The following PRCP variants were observed in gnomAD, a reference collection of about 807,000 sequenced individuals.
PRCP encodes the protein prolylcarboxypeptidase.
Under a neutral mutation model 54.2 loss-of-function variants are expected in PRCP, and 46 were observed. That is an observed-to-expected ratio of 0.85 (90% CI 0.67 to 1.09). The LOEUF is 1.09. Among genes scored for constraint, PRCP ranks in the 50% least tolerant of loss-of-function variants. PRCP has a pLI of 0.00. For missense variants in PRCP, 613 were observed against 596.8 expected (o/e 1.03, Z -0.28); for synonymous variants, 240 against 212.2 (o/e 1.13, Z -1.14).
At chr11:82,866,262 C>T (rs1859332575) in intron 1 of PRCP, among the ~76,000 whole-genome samples, 1 of 152,198 alleles carries the variant, frequency 6.6e-6, no homozygotes. Context: ...ACAAGTCCCT[C>T]CAAGAGGAAG....
rs748160992 is a variant in PRCP at position 82,839,401 on chromosome 11, G to C, written c.946C>G (p.Pro316Ala). 2 of 1,612,778 alleles carry C rather than the reference G, an allele frequency of 1.2e-6. No individual in the cohort carries two copies. The highest frequency in any genetic ancestry group is 2.2e-5 in the South Asian group (2 of 90,920). ...AGCAGCAGTGAATCAGATACATTGG[G>C]ATTTTTCAAATACTGGCACACTACC... Reference protein sequence around the residue: ...IKVVCQYLKNPNVSDSLLLQN... With the variant: ...IKVVCQYLKNANVSDSLLLQN... The change falls in exon 7 of 9, where the codon CCC (proline) becomes GCC (alanine). Residue 316 changes from proline to alanine, a missense_variant. Coordinates refer to ENST00000313010, the MANE Select transcript of PRCP (RefSeq NM_005040.4).
At position 82,838,432 on chromosome 11, in the gene PRCP, A is replaced by C; in HGVS notation, c.1229T>G (p.Met410Arg). The change falls in exon 8 of 9, where the codon ATG becomes AGG. Residue 410 changes from methionine to arginine, a missense_variant. Met to Arg is a moderately conservative substitution (Grantham distance 91, BLOSUM62 -1). Transcript: ENST00000313010. ...VRPRPSWITT[M>R]YGGKNISSHT... is the part of the protein sequence containing the mutation. The stretch of plus-strand genomic sequence containing the variant: ...TGAACTAATGTTTTTGCCTCCATAC[A>C]TAGTAGTGATCCAGGAGGGCCTTGG... 1 of 1,614,024 alleles carries C rather than the reference A, an allele frequency of 6.2e-7. No homozygotes were observed. Among genetic ancestry groups the C allele is most frequent in the Non-Finnish European group, 8.5e-7 (1 of 1,179,918 alleles).
At chr11:82,901,316 GCTCCA>G, upstream of PRCP, 1 of 202,852 alleles carries the variant, frequency 4.9e-6, no homozygotes, top group South Asian at 6.5e-5. Flanking sequence ...CCCACTCCGC[GCTCCA>G]CCCCCCTCCT....
chr11:82,890,909 A>T (rs1459264581), intron 1 of PRCP, among the ~76,000 whole-genome samples: 1 of 152,152 alleles, frequency 6.6e-6, no homozygotes, highest in Admixed American at 6.5e-5. Context: ...CAGTCTCCTT[A>T]ACTGGTTCCC....
intron 6 of PRCP, among the ~76,000 whole-genome samples, chr11:82,848,759 T>C (rs545795483): frequency 5.3e-5 from 8 of 152,334 alleles, no homozygotes; most frequent in African/African-American, 1.9e-4. Context: ...TGGCACATAG[T>C]AATTATTCCA....
At chr11:82,873,123 G>A (rs1591063664) in intron 1 of PRCP, among the ~76,000 whole-genome samples, 1 of 151,132 alleles carries the variant, frequency 6.6e-6, no homozygotes, top group African/African-American at 2.4e-5. Context: ...GCTATTGAAA[G>A]GTTCACATGG....
At position 82,849,101 on chromosome 11, in the gene PRCP, T is replaced by C. The variant is rs1344115844; in HGVS notation, c.869A>G (p.Asp290Gly). ...SETWVNLAMV[D>G]YPYASNFLQP... is the part of the protein sequence containing the mutation. ...TAAAAAGTTAGAGGCATAAGGATAG[T>C]CCACCATTGCCAGATTCACCCAGGT... The change falls in exon 6 of 9, where the codon GAC (aspartate) becomes GGC (glycine). Residue 290 changes from aspartate (D) to glycine (G), a missense_variant. By Grantham distance (94) the Asp-to-Gly change is moderately conservative. Transcript: ENST00000313010. 4 of 1,614,016 alleles carry C rather than the reference T, an allele frequency of 2.5e-6. No homozygotes were observed. In the African/African-American group the frequency reaches 4.0e-5, roughly 16 times the overall value.
intron 1 of PRCP, among the ~76,000 whole-genome samples, chr11:82,874,690 CAAAAAAAAAAAAA>C (rs36084037): frequency 4.4e-5 from 3 of 68,834 alleles, no homozygotes; most frequent in African/African-American, 1.3e-4. Context: ...GACCCTGTCT[CAAAAAAAAAAAAA>C]AAAAAAGAAA....
intron 6 of PRCP, among the ~76,000 whole-genome samples, chr11:82,848,827 T>A (rs1858873594): frequency 6.6e-6 from 1 of 152,194 alleles, no homozygotes. Flanking sequence ...CAATGAATTC[T>A]ATCTCCATTT....
chr11:82,831,764 A>C (rs1034747925), intron 8 of PRCP, among the ~76,000 whole-genome samples: 15 of 152,058 alleles, frequency 9.9e-5, no homozygotes, highest in African/African-American at 3.6e-4. Flanking sequence ...ATACATGTGC[A>C]GAATGTGCAA....
intron 3 of PRCP, among the ~76,000 whole-genome samples, chr11:82,851,480 G>A (rs11233345): frequency 0.26 from 38,349 of 147,678 alleles, 5,548 homozygotes; most frequent in African/African-American, 0.41. Context: ...GTTTTATCTC[G>A]TATGTGAGTA....
At chr11:82,873,997 A>C (rs1859539203) in intron 1 of PRCP, among the ~76,000 whole-genome samples, 1 of 152,332 alleles carries the variant, frequency 6.6e-6, no homozygotes. Context: ...TTTTATCATT[A>C]TCTTAAAGAT....
At chr11:82,854,355 C>T (rs1318033975) in intron 2 of PRCP, among the ~76,000 whole-genome samples, 3 of 151,974 alleles carry the variant, frequency 2.0e-5, no homozygotes, top group Non-Finnish European at 2.9e-5. Context: ...GTCTATATAC[C>T]AATAACAATC....
chr11:82,883,738 G>A (rs1364901714), intron 1 of PRCP, among the ~76,000 whole-genome samples: 1 of 152,202 alleles, frequency 6.6e-6, no homozygotes, highest in Non-Finnish European at 1.5e-5. Context: ...GCTGCTGCAG[G>A]CCTCTCAGAT....
intron 8 of PRCP, chr11:82,828,324 G>A (rs1295180150): frequency 2.0e-5 from 3 of 152,108 alleles, no homozygotes; most frequent in African/African-American, 7.2e-5. Context: ...TGCAAAGTAA[G>A]AAAAGCATAA....
intron 8 of PRCP, among the ~76,000 whole-genome samples, chr11:82,833,690 G>C (rs1241012617): frequency 6.6e-6 from 1 of 152,098 alleles, no homozygotes. Context: ...ATATTTGCCA[G>C]ATCTGGGCCA....
intron 6 of PRCP, among the ~76,000 whole-genome samples, chr11:82,846,753 A>G (rs941995642): frequency 6.6e-6 from 1 of 152,252 alleles, no homozygotes; most frequent in Non-Finnish European, 1.5e-5. Flanking sequence ...TATTTAGAAG[A>G]ACAAAGGATA....
intron 1 of PRCP, among the ~76,000 whole-genome samples, chr11:82,867,714 A>G (rs1235966666): frequency 2.6e-5 from 4 of 152,122 alleles, no homozygotes; most frequent in African/African-American, 7.2e-5. Context: ...CGGAAAGACC[A>G]TTACTTTTTT....
intron 1 of PRCP, among the ~76,000 whole-genome samples, chr11:82,891,262 A>G (rs1860003178): frequency 6.6e-6 from 1 of 152,076 alleles, no homozygotes. Context: ...TAATTCATCA[A>G]CTATACCTCT....
Sources: allele counts gnomAD v4.1 joint callset (sites outside exome capture counted in the v4.1 genomes callset), GRCh38; gene constraint gnomAD v4.1.1; transcripts MANE v1.5; gene names NCBI Gene and HGNC (gene_info 2026-07-23, HGNC 2026-07-21).